Variants in SCARA5 observed in about 807,000 individuals in gnomAD.
SCARA5 encodes the protein scavenger receptor class A, member 5 (putative).
SCARA5 carries 45 observed loss-of-function variants against 46.3 expected under a neutral mutation model. That is an observed-to-expected ratio of 0.97 (90% CI 0.76 to 1.24). The LOEUF (loss-of-function observed/expected upper bound fraction) is 1.24. Among genes scored for constraint, SCARA5 ranks in the 50% most tolerant of loss-of-function variants. The pLI, the probability that SCARA5 is intolerant of heterozygous loss-of-function variation, is 0.00. For synonymous variants in SCARA5, 333 were observed against 306.5 expected, an observed-to-expected ratio of 1.09 and a Z score of -0.90; for missense variants, 680 against 689.0, an observed-to-expected ratio of 0.99 and a Z score of 0.15.
chr8:27,931,710 C>G (rs1447060270), intron 3 of SCARA5, among the ~76,000 whole-genome samples: 1 of 152,010 alleles, frequency 6.6e-6, no homozygotes, highest in African/African-American at 2.4e-5. Flanking sequence ...GTCACCCAGG[C>G]AGTGCAGGGG....
At chr8:27,928,334 G>A (rs1807713746) in intron 3 of SCARA5, among the ~76,000 whole-genome samples, 1 of 152,086 alleles carries the variant, frequency 6.6e-6, no homozygotes, top group African/African-American at 2.4e-5. Context: ...TTCACAAATG[G>A]GAAAGCAGAT....
intron 8 of SCARA5, among the ~76,000 whole-genome samples, chr8:27,876,327 G>A (rs1320092816): frequency 4.6e-5 from 7 of 152,178 alleles, no homozygotes; most frequent in Non-Finnish European, 1.0e-4. Context: ...CAGGGCTGGG[G>A]CACTAACCAC....
At chr8:27,929,607 A>T (rs1807737321) in intron 3 of SCARA5, among the ~76,000 whole-genome samples, 1 of 152,242 alleles carries the variant, frequency 6.6e-6, no homozygotes, top group Non-Finnish European at 1.5e-5. Context: ...AGAGAGGCTC[A>T]GGAAGTCAGG....
At chr8:27,925,091 C>G (rs1290907426) in intron 3 of SCARA5, among the ~76,000 whole-genome samples, 1 of 152,146 alleles carries the variant, frequency 6.6e-6, no homozygotes, top group African/African-American at 2.4e-5. Context: ...CAATGCCATC[C>G]CCATCAAGCT....
chr8:27,939,346 C>G (rs1807906417), intron 3 of SCARA5, among the ~76,000 whole-genome samples: 2 of 152,168 alleles, frequency 1.3e-5, no homozygotes. Flanking sequence ...TGGGTCAGAG[C>G]TGGGGGCTGT....
intron 4 of SCARA5, among the ~76,000 whole-genome samples, chr8:27,915,505 T>C (rs1807446643): frequency 6.6e-6 from 1 of 152,216 alleles, no homozygotes; most frequent in Non-Finnish European, 1.5e-5. Flanking sequence ...CACTCAGAGA[T>C]GTTCCCCACT....
chr8:27,991,483 T>C (rs1333517124), intron 1 of SCARA5, among the ~76,000 whole-genome samples: 1 of 152,230 alleles, frequency 6.6e-6, no homozygotes, highest in Non-Finnish European at 1.5e-5. Flanking sequence ...ATCAGGACCC[T>C]GGCTCTTCAA....
At chr8:27,904,603 C>T in intron 7 of SCARA5, 175 bp downstream of exon 7, 2 of 705,714 alleles carry the variant, frequency 2.8e-6, no homozygotes, top group Non-Finnish European at 5.1e-6. Context: ...CCCCTGGGGT[C>T]TATCAGCATC....
At chr8:27,919,254 A>G (rs76025054) in intron 4 of SCARA5, among the ~76,000 whole-genome samples, 10 of 41,390 alleles carry the variant, frequency 2.4e-4, no homozygotes, top group East Asian at 7.0e-4. Context: ...GGAGGAAGAG[A>G]AAGAGGAGAA....
intron 7 of SCARA5, among the ~76,000 whole-genome samples, chr8:27,886,961 G>A (rs760669109): frequency 1.2e-4 from 19 of 152,150 alleles, no homozygotes; most frequent in South Asian, 2.1e-4. Context: ...CAGGGGGAAC[G>A]GGGCTACTGG....
At chr8:27,892,044 G>C (rs1034810805) in intron 7 of SCARA5, among the ~76,000 whole-genome samples, 1 of 152,214 alleles carries the variant, frequency 6.6e-6, no homozygotes, top group African/African-American at 2.4e-5. Context: ...TCATTGGCCT[G>C]ACTCAGAAGT....
chr8:27,885,266 G>A (rs187565074), intron 7 of SCARA5, among the ~76,000 whole-genome samples: 2 of 152,294 alleles, frequency 1.3e-5, no homozygotes, highest in African/African-American at 4.8e-5. Context: ...GAGGAAGGAC[G>A]TGGACTCCCC....
At chr8:27,885,696 C>T (rs1399373707) in intron 7 of SCARA5, among the ~76,000 whole-genome samples, 1 of 152,176 alleles carries the variant, frequency 6.6e-6, no homozygotes. Context: ...TAATCACATA[C>T]TTGCTGCCTT....
At chr8:27,887,003 A>G (rs1806906872) in intron 7 of SCARA5, among the ~76,000 whole-genome samples, 1 of 152,152 alleles carries the variant, frequency 6.6e-6, no homozygotes, top group African/African-American at 2.4e-5. Context: ...TGCACGTGGC[A>G]GTGGAGGAAA....
intron 7 of SCARA5, among the ~76,000 whole-genome samples, chr8:27,895,561 C>T (rs1280964145): frequency 1.3e-5 from 2 of 152,198 alleles, no homozygotes; most frequent in East Asian, 1.9e-4. Flanking sequence ...CTTTGCTGTC[C>T]TCCCCTGAGG....
intron 3 of SCARA5, among the ~76,000 whole-genome samples, chr8:27,922,831 C>T (rs1807621005): frequency 6.6e-6 from 1 of 152,134 alleles, no homozygotes; most frequent in Non-Finnish European, 1.5e-5. Flanking sequence ...GGGCAGAGCC[C>T]TCGCGTATTA....
chr8:27,970,150 GC>G (rs1375330661), intron 2 of SCARA5, among the ~76,000 whole-genome samples: 1 of 152,102 alleles, frequency 6.6e-6, no homozygotes, highest in Non-Finnish European at 1.5e-5. Context: ...CATGTCATGA[GC>G]GCCCACAGAG....
intron 2 of SCARA5, among the ~76,000 whole-genome samples, chr8:27,974,844 T>C (rs1232718786): frequency 6.6e-6 from 1 of 151,264 alleles, no homozygotes; most frequent in Non-Finnish European, 1.5e-5. Context: ...GAAACAAGTC[T>C]CCCTGGAGCC....
intron 3 of SCARA5, among the ~76,000 whole-genome samples, chr8:27,958,211 G>C (rs575578911): frequency 6.6e-6 from 1 of 152,116 alleles, no homozygotes; most frequent in Admixed American, 6.5e-5. Flanking sequence ...ACTTCTACCC[G>C]GCTCAGGCGT....
Sources: gnomAD v4.1 joint callset for allele counts (sites outside exome capture counted in the v4.1 genomes callset) on GRCh38, gnomAD v4.1.1 for gene constraint, MANE v1.5 for transcripts, NCBI Gene and HGNC (gene_info 2026-07-23, HGNC 2026-07-21) for gene names.